Variants in DLC1 observed in about 807,000 individuals in gnomAD.
DLC1 encodes the protein DLC1 Rho GTPase activating protein.
DLC1 carries 54 observed loss-of-function variants against 140.3 expected under a neutral mutation model. The ratio of observed to expected loss-of-function variants is 0.38; its 90% CI spans 0.31 to 0.48. DLC1 has a LOEUF of 0.48. DLC1 is among the 20% of genes least tolerant of loss of function. The pLI, the probability that DLC1 is intolerant of heterozygous loss-of-function variation, is 0.96. For synonymous variants in DLC1, 986 were observed against 728.1 expected (o/e 1.35, Z -5.70); for missense variants, 2,536 against 1,907.0 (o/e 1.33, Z -6.14).
chr8:13,267,733 T>TGTGTGTGC (rs1159830975), intron 5 of DLC1, among the ~76,000 whole-genome samples: 1 of 19,196 alleles, frequency 5.2e-5, no homozygotes, highest in Non-Finnish European at 9.3e-5. Flanking sequence ...CTGAGGAGTG[T>TGTGTGTGC]GTGTGTGTGT....
chr8:13,195,888 T>A (rs75881831), intron 5 of DLC1, among the ~76,000 whole-genome samples: 2 of 152,148 alleles, frequency 1.3e-5, no homozygotes, highest in Admixed American at 6.5e-5. Context: ...AAATATAGAC[T>A]GTCACCTTTT....
intron 5 of DLC1, among the ~76,000 whole-genome samples, chr8:13,248,765 C>T (rs921554834): frequency 3.9e-5 from 6 of 152,178 alleles, no homozygotes; most frequent in African/African-American, 1.2e-4. Flanking sequence ...CAGTCTTTTA[C>T]TCTTGAACAC....
intron 5 of DLC1, among the ~76,000 whole-genome samples, chr8:13,292,287 G>C (rs1024182026): frequency 6.6e-6 from 1 of 152,100 alleles, no homozygotes; most frequent in Non-Finnish European, 1.5e-5. Flanking sequence ...CCTACATGTG[G>C]GGATGAGCGG....
chr8:13,172,366 AGT>A (rs1825533676), intron 5 of DLC1, among the ~76,000 whole-genome samples: 1 of 152,226 alleles, frequency 6.6e-6, no homozygotes, highest in Non-Finnish European at 1.5e-5. Context: ...ACAGGTATTC[AGT>A]ACCTTGTAGT....
intron 5 of DLC1, among the ~76,000 whole-genome samples, chr8:13,240,631 C>G (rs191977714): frequency 1.8e-4 from 28 of 152,140 alleles, no homozygotes; most frequent in African/African-American, 6.7e-4. Context: ...TGAGGCTTCC[C>G]TGTGTTGCCC....
At chr8:13,328,879 C>A (rs1671381) in intron 4 of DLC1, among the ~76,000 whole-genome samples, 1 of 151,698 alleles carries the variant, frequency 6.6e-6, no homozygotes, top group Non-Finnish European at 1.5e-5. Context: ...TGATCTGGGA[C>A]TAGGTGAGAT....
chr8:13,567,216 C>T (rs374090541), intron 1 of DLC1: 4 of 1,551,494 alleles, frequency 2.6e-6, no homozygotes, highest in Non-Finnish European at 3.5e-6. Context: ...AGCTTTTGGA[C>T]TATAAAAATT....
chr8:13,298,045 A>G (rs1325638311), intron 5 of DLC1, among the ~76,000 whole-genome samples: 1 of 152,172 alleles, frequency 6.6e-6, no homozygotes, highest in Non-Finnish European at 1.5e-5. Flanking sequence ...CATTTGTCAC[A>G]AAGAAGTGTT....
chr8:13,545,760 C>A (rs1479809775), intron 1 of DLC1, among the ~76,000 whole-genome samples: 10 of 152,028 alleles, frequency 6.6e-5, no homozygotes, highest in Non-Finnish European at 1.0e-4. Flanking sequence ...AAAAACAAGA[C>A]TTTCTATTTT....
At chr8:13,588,293 C>G (rs7464976) in intron 1 of DLC1, among the ~76,000 whole-genome samples, 1 of 152,042 alleles carries the variant, frequency 6.6e-6, no homozygotes, top group South Asian at 2.1e-4. Flanking sequence ...CTATATTAGC[C>G]TACTGGGTGG....
At chr8:13,156,628 A>T (rs984583575) in intron 5 of DLC1, among the ~76,000 whole-genome samples, 2 of 152,164 alleles carry the variant, frequency 1.3e-5, no homozygotes, top group African/African-American at 4.8e-5. Flanking sequence ...GGGGGAGGAA[A>T]GGGTGGGTGT....
chr8:13,154,422 C>T (rs1490731198), intron 5 of DLC1, among the ~76,000 whole-genome samples: 1 of 152,218 alleles, frequency 6.6e-6, no homozygotes, highest in Non-Finnish European at 1.5e-5. Context: ...GGCGCCCCCT[C>T]CGCAGCTGCT....
Position 13,464,937 on chromosome 8 carries a change from A to G in DLC1, c.1023+34112T>C, listed in dbSNP as rs143307818. ...TATTATTTAAAAACAGGGACTCACT[A>G]TGTTGCTCAGGCTGTTAGTAATCTC... On this transcript the variant is annotated intron_variant, in intron 2 of 17. Transcript: ENST00000276297. Among the ~76,000 whole-genome samples the G allele has an allele frequency of 2.2e-4, 33 of 152,058 alleles. No individual in the cohort carries two copies. In the East Asian group the frequency reaches 6.4e-3, roughly 29 times the overall value.
At chr8:13,578,515 AC>A (rs1237711740) in intron 1 of DLC1, among the ~76,000 whole-genome samples, 1 of 152,106 alleles carries the variant, frequency 6.6e-6, no homozygotes, top group African/African-American at 2.4e-5. Flanking sequence ...GCTCAGTCCT[AC>A]AAGGCTGCCC....
intron 2 of DLC1, among the ~76,000 whole-genome samples, chr8:13,462,396 C>CT (rs869264457): frequency 0.03 from 3,903 of 131,094 alleles, 96 homozygotes; most frequent in Non-Finnish European, 0.042. Context: ...CATTACTATT[C>CT]TTTTTTTTTT....
At chr8:13,509,822 A>G (rs1411638046) in intron 1 of DLC1, among the ~76,000 whole-genome samples, 1 of 152,126 alleles carries the variant, frequency 6.6e-6, no homozygotes, top group Admixed American at 6.5e-5. Flanking sequence ...CCCCCTGGTG[A>G]TTAGGGTTAG....
chr8:13,219,337 A>C (rs866975241), intron 5 of DLC1, among the ~76,000 whole-genome samples: 1 of 118,942 alleles, frequency 8.4e-6, no homozygotes, highest in South Asian at 2.9e-4. Context: ...TATAATTATA[A>C]TTATATAAAT....
chr8:13,182,370 G>A (rs548698835), intron 5 of DLC1, among the ~76,000 whole-genome samples: 2 of 151,988 alleles, frequency 1.3e-5, no homozygotes, highest in East Asian at 1.9e-4. Flanking sequence ...TTTGCTTTTG[G>A]TATTTTAGTC....
intron 8 of DLC1, 188 bp from the exon 9 acceptor site, chr8:13,100,958 T>G: frequency 6.8e-6 from 4 of 584,460 alleles, no homozygotes; most frequent in Non-Finnish European, 1.1e-5. Flanking sequence ...ACAGGCTGTA[T>G]TGCCCAGGCT....
Sources: allele counts gnomAD v4.1 joint callset (sites outside exome capture counted in the v4.1 genomes callset), GRCh38; gene constraint gnomAD v4.1.1; transcripts MANE v1.5; gene names NCBI Gene and HGNC (gene_info 2026-07-23, HGNC 2026-07-21).